Variants in TAS2R8 observed in about 807,000 individuals in gnomAD.
The protein encoded by TAS2R8 is taste receptor type 2 member 8.
For missense variants in TAS2R8, 396 were observed against 358.1 expected (o/e 1.11, Z -0.85); for synonymous variants, 139 against 123.9 (o/e 1.12, Z -0.81).
In TAS2R8 at chr12:10,806,998, T is replaced by C; in HGVS notation, c.-18A>G. 4 of 1,558,208 alleles carry C rather than the reference T, an allele frequency of 2.6e-6. No individual in the cohort carries two copies. The highest frequency in any genetic ancestry group is 3.5e-6 in the Non-Finnish European group (4 of 1,152,986). ...CTGAACATGTTTGTAGAGAGAACAA[T>C]CTGATTTCAAATATCACTGTAGATG... On this transcript the variant is annotated 5_prime_UTR_variant, in exon 1 of 1. Coordinates refer to ENST00000240615, the MANE Select transcript of TAS2R8 (RefSeq NM_023918.3).
rs753905120 is a variant in TAS2R8, at chr12:10,806,407, C to T, written c.574G>A (p.Val192Ile). 18 of 1,613,578 alleles carry T rather than the reference C, an allele frequency of 1.1e-5. No individual in the cohort carries two copies. Among genetic ancestry groups the T allele is most frequent in the Non-Finnish European group, 1.5e-5 (18 of 1,179,828 alleles). Residue 192 changes from valine to isoleucine, a missense_variant, in exon 1 of 1, where the codon GTC (valine) becomes ATC (isoleucine). Coordinates refer to ENST00000240615, the MANE Select transcript of TAS2R8 (RefSeq NM_023918.3). Reference protein sequence around the residue: ...PLTLFNLFAIVPFIVSLISFF... With the variant: ...PLTLFNLFAIIPFIVSLISFF... ...GATATCAGTGACACAATAAATGGGACAATTGCAAACAGGTTAAAGAGAGTC... is the reference window on the plus strand; with the variant it reads ...GATATCAGTGACACAATAAATGGGATAATTGCAAACAGGTTAAAGAGAGTC...
Position 10,806,900 on chromosome 12 carries a change from A to G in TAS2R8, c.81T>C (p.Ile27=). The G allele has an allele frequency of 1.2e-6, 2 of 1,613,004 alleles. No homozygotes were observed. The highest frequency in any genetic ancestry group is 2.2e-5 in the South Asian group (2 of 91,050). Residue 27 remains isoleucine (I), a synonymous_variant, in exon 1 of 1, where the codon ATT becomes ATC. Transcript: ENST00000240615. Reference sequence around the variant, plus strand: ...TCCAGTCAATCCAGTTGACTAGTGCAATGTATCCATTCCCCAATATTCCTA... The same window carrying G: ...TCCAGTCAATCCAGTTGACTAGTGCGATGTATCCATTCCCCAATATTCCTA... ...FILGILGNGY[I]ALVNWIDWIK... is the part of the protein sequence containing the mutation.
rs1430920341 is a variant in TAS2R8 at position 10,807,090 on chromosome 12, C to A, written c.-110G>T. The A allele has an allele frequency of 4.5e-6, 4 of 893,660 alleles. No individual in the cohort carries two copies. The highest frequency in any genetic ancestry group is 6.8e-6 in the Non-Finnish European group (4 of 591,140). The allele number at this position is 893,660 out of a possible 1,614,324, so 55.4% of individuals were successfully genotyped here. A position where few individuals can be genotyped will look rare whatever the true frequency, so the allele number is the denominator to read the frequency against. ...TCTTCGAATCATGCAATAATGTTTTCATCTGCTGTTATTTCGACGTTGTTA... is the reference window on the plus strand; with the variant it reads ...TCTTCGAATCATGCAATAATGTTTTAATCTGCTGTTATTTCGACGTTGTTA... On this transcript the variant is annotated 5_prime_UTR_variant, in exon 1 of 1. It removes an upstream start codon present in the reference 5' UTR. Coordinates refer to ENST00000240615, the MANE Select transcript of TAS2R8 (RefSeq NM_023918.3).
chr12:10,806,513 A>G lies in TAS2R8; in HGVS notation c.468T>C (p.Tyr156=), dbSNP rs781754365. 1.2e-6 allele frequency: 2 copies of G among 1,613,890 alleles called. No homozygotes were observed. The highest frequency in any genetic ancestry group is 1.1e-5 in the South Asian group (1 of 91,072). The part of the protein sequence containing the change: ...LIAAIVLSCD[Y]RFHAIAKHKR... ...TATGTTTGGCAATTGCATGAAACCT[A>G]TAATCACAACTCAGTACTATTGCTG... is the stretch of plus-strand genomic sequence containing the variant. Residue 156 remains tyrosine (Y), a synonymous_variant, in exon 1 of 1, where the codon TAT becomes TAC. Transcript: ENST00000240615.
rs766821263 is a variant in TAS2R8, at chr12:10,806,763, G to A, written c.218C>T (p.Pro73Leu). ...VVNGIVIVLN[P>L]DVYTKNKQQI... ...TTGTTTATTTTTTGTATAAACATCT[G>A]GGTTCAGTACTATTACAATGCCATT... Residue 73 changes from proline to leucine, a missense_variant, in exon 1 of 1, where the codon CCA (proline) becomes CTA (leucine). Pro to Leu is a moderately conservative substitution (Grantham distance 98). Coordinates refer to ENST00000240615, the MANE Select transcript of TAS2R8 (RefSeq NM_023918.3). 1.2e-6 allele frequency: 2 copies of A among 1,613,804 alleles called. No individual in the cohort carries two copies. The highest frequency in any genetic ancestry group is 8.5e-7 in the Non-Finnish European group (1 of 1,179,876).
In TAS2R8 at chr12:10,806,424, A is replaced by G; in HGVS notation, c.557T>C (p.Phe186Ser). Reference sequence around the variant, plus strand: ...AAATGGGACAATTGCAAACAGGTTAAAGAGAGTCAAGGGTTCAAAGTATGG... The same window carrying G: ...AAATGGGACAATTGCAAACAGGTTAGAGAGAGTCAAGGGTTCAAAGTATGG... Reference protein sequence around the residue: ...KIPYFEPLTLFNLFAIVPFIV... With the variant: ...KIPYFEPLTLSNLFAIVPFIV... The change falls in exon 1 of 1, where the codon TTT becomes TCT. Residue 186 changes from phenylalanine to serine, a missense_variant. By Grantham distance (155) the Phe-to-Ser change is radical (BLOSUM62 -2). Transcript: ENST00000240615. 6.2e-7 allele frequency: 1 copy of G among 1,613,792 alleles called. No individual in the cohort carries two copies. The highest frequency in any genetic ancestry group is 2.2e-5 in the East Asian group (1 of 44,850).
Position 10,806,343 on chromosome 12 carries a change from T to C in TAS2R8, c.638A>G (p.Lys213Arg), listed in dbSNP as rs960351720. Residue 213 changes from lysine to arginine, a missense_variant, in exon 1 of 1, where the codon AAG becomes AGG. By Grantham distance (26) the Lys-to-Arg change is conservative. Transcript: ENST00000240615. ...LLVRSLWRHT[K>R]QIKLYATGSR... ...GCCGGTAGCATAGAGTTTTATTTGC[T>C]TGGTATGTCTCCATAAAGATCTTAC... 1 of 1,613,826 alleles carries C rather than the reference T, an allele frequency of 6.2e-7. No homozygotes were observed. The highest frequency in any genetic ancestry group is 8.5e-7 in the Non-Finnish European group (1 of 1,179,928).
In TAS2R8 at chr12:10,806,861, C is replaced by A. The variant is rs1948729778; in HGVS notation, c.120G>T (p.Lys40Asn). ...TAAGGATGTAGTCAACTGTGGAAAT[C>A]TTTTTCTTCTTAATCCAGTCAATCC... ...VNWIDWIKKK[K>N]ISTVDYILTN... The change falls in exon 1 of 1, where the codon AAG becomes AAT. Residue 40 changes from lysine to asparagine, a missense_variant. Physicochemically the swap from Lys to Asn is moderately conservative, Grantham distance 94 (BLOSUM62 0). Coordinates refer to ENST00000240615, the MANE Select transcript of TAS2R8 (RefSeq NM_023918.3). 1.2e-6 allele frequency: 2 copies of A among 1,613,490 alleles called. No homozygotes were observed. The highest frequency in any genetic ancestry group is 1.3e-5 in the African/African-American group (1 of 74,916).
In TAS2R8 at chr12:10,806,868, T is replaced by C. The variant is rs1400060457; in HGVS notation, c.113A>G (p.Lys38Arg). The C allele has an allele frequency of 6.2e-7, 1 of 1,613,612 alleles. No homozygotes were observed. The highest frequency in any genetic ancestry group is 2.2e-5 in the East Asian group (1 of 44,854). The stretch of plus-strand genomic sequence containing the variant: ...GTAGTCAACTGTGGAAATCTTTTTC[T>C]TCTTAATCCAGTCAATCCAGTTGAC... ...ALVNWIDWIKKKKISTVDYIL... is the reference protein window; with the variant it reads ...ALVNWIDWIKRKKISTVDYIL... Residue 38 changes from lysine (K) to arginine (R), a missense_variant, in exon 1 of 1, where the codon AAG becomes AGG. Lys to Arg is a conservative substitution (Grantham distance 26). Coordinates refer to ENST00000240615, the MANE Select transcript of TAS2R8 (RefSeq NM_023918.3).
At position 10,806,214 on chromosome 12, in the gene TAS2R8, A is replaced by G. The variant is rs1486116543; in HGVS notation, c.767T>C (p.Phe256Ser). ...LYYISSILMT[F>S]SYLMTKYKLA... ...CTTGTATTTTGTCATAAGATAGCTA[A>G]AGGTCATCAAAATAGAAGAAATATA... Residue 256 changes from phenylalanine (F) to serine (S), a missense_variant, in exon 1 of 1, where the codon TTT becomes TCT. Phe to Ser is a radical substitution (Grantham distance 155, BLOSUM62 -2). Coordinates refer to ENST00000240615, the MANE Select transcript of TAS2R8 (RefSeq NM_023918.3). The G allele has an allele frequency of 6.2e-7, 1 of 1,613,468 alleles. No homozygotes were observed. Among genetic ancestry groups the G allele is most frequent in the Admixed American group, 1.7e-5 (1 of 59,884 alleles).
chr12:10,807,097 T>C lies in TAS2R8; in HGVS notation c.-117A>G, dbSNP rs1434912113. On this transcript the variant is annotated 5_prime_UTR_variant, in exon 1 of 1. Transcript: ENST00000240615. ...ATCATGCAATAATGTTTTCATCTGC[T>C]GTTATTTCGACGTTGTTATTCTTCC... 2 of 847,266 alleles carry C rather than the reference T, an allele frequency of 2.4e-6. No individual in the cohort carries two copies. The highest frequency in any genetic ancestry group is 3.6e-6 in the Non-Finnish European group (2 of 553,604). The allele number at this position is 847,266 out of a possible 1,614,324, so 52.5% of individuals were successfully genotyped here.
At position 10,807,163 on chromosome 12, in the gene TAS2R8, A is replaced by C. The variant is rs1948732868; in HGVS notation, c.-183T>G. ...TCCTCTGAAATAGGATTGTCTCTACACTCCTGAAGATGAAACCAACTAATG... is the reference window on the plus strand; with the variant it reads ...TCCTCTGAAATAGGATTGTCTCTACCCTCCTGAAGATGAAACCAACTAATG... On this transcript the variant is annotated 5_prime_UTR_variant, in exon 1 of 1. Coordinates refer to ENST00000240615, the MANE Select transcript of TAS2R8 (RefSeq NM_023918.3). The C allele has an allele frequency of 1.8e-6, 1 of 552,196 alleles. No homozygotes were observed. Among genetic ancestry groups the C allele is most frequent in the South Asian group, 3.0e-5 (1 of 32,916 alleles). 34.2% of individuals were successfully genotyped at this position (552,196 alleles called of 1,614,324 possible). A position where few individuals can be genotyped will look rare whatever the true frequency, so the allele number is the denominator to read the frequency against.
At position 10,807,246 on chromosome 12, in the gene TAS2R8, G is replaced by T. The variant is rs745618369; in HGVS notation, c.-266C>A. The T allele has an allele frequency of 9.0e-5, 31 of 344,912 alleles. No individual in the cohort carries two copies. The highest frequency in any genetic ancestry group is 1.5e-4 in the Non-Finnish European group (29 of 192,058). 21.4% of individuals were successfully genotyped at this position (344,912 alleles called of 1,614,324 possible). On this transcript the variant is annotated 5_prime_UTR_variant, in exon 1 of 1. Coordinates refer to ENST00000240615, the MANE Select transcript of TAS2R8 (RefSeq NM_023918.3). The stretch of plus-strand genomic sequence containing the variant: ...AATTATAATTATTATCCTTTAGTGA[G>T]TGATACCTGAAATGTTTGGCTGAAA...
At position 10,806,740 on chromosome 12, in the gene TAS2R8, G is replaced by C. The variant is rs201843612; in HGVS notation, c.241C>G (p.Gln81Glu). 5 of 1,613,686 alleles carry C rather than the reference G, an allele frequency of 3.1e-6. No homozygotes were observed. Among genetic ancestry groups the C allele is most frequent in the Non-Finnish European group, 4.2e-6 (5 of 1,179,892 alleles). The change falls in exon 1 of 1, where the codon CAA becomes GAA. Residue 81 changes from glutamine (Q) to glutamate (E), a missense_variant. Coordinates refer to ENST00000240615, the MANE Select transcript of TAS2R8 (RefSeq NM_023918.3). ...CAGAAGGTAAAAATGACTATCTGTT[G>C]TTTATTTTTTGTATAAACATCTGGG... is the stretch of plus-strand genomic sequence containing the variant. Reference protein sequence around the residue: ...LNPDVYTKNKQQIVIFTFWTF... With the variant: ...LNPDVYTKNKEQIVIFTFWTF...
In TAS2R8 at chr12:10,807,074, C is replaced by G; in HGVS notation, c.-94G>C. 1 of 1,022,352 alleles carries G rather than the reference C, an allele frequency of 9.8e-7. No homozygotes were observed. The highest frequency in any genetic ancestry group is 1.4e-6 in the Non-Finnish European group (1 of 700,700). 63.3% of individuals were successfully genotyped at this position (1,022,352 alleles called of 1,614,324 possible). On this transcript the variant is annotated 5_prime_UTR_variant, in exon 1 of 1. The change abolishes an upstream ATG in the 5' untranslated region. Coordinates refer to ENST00000240615, the MANE Select transcript of TAS2R8 (RefSeq NM_023918.3). ...AGCATGATAGATCAATTCTTCGAATCATGCAATAATGTTTTCATCTGCTGT... is the reference window on the plus strand; with the variant it reads ...AGCATGATAGATCAATTCTTCGAATGATGCAATAATGTTTTCATCTGCTGT...
the TAS2R8 span, chr12:10,806,254 A>AG: frequency 1.2e-6 from 2 of 1,613,188 alleles, no homozygotes; most frequent in Admixed American, 1.7e-5. Flanking sequence ...AGGAAAAAAA[A>AG]GAAGATAAAT....
chr12:10,807,149 A>G lies in TAS2R8; in HGVS notation c.-169T>C. On this transcript the variant is annotated 5_prime_UTR_variant, in exon 1 of 1. Transcript: ENST00000240615. ...GAAGTGTTCAGCTCTCCTCTGAAAT[A>G]GGATTGTCTCTACACTCCTGAAGAT... is the stretch of plus-strand genomic sequence containing the variant. 1.6e-6 allele frequency: 1 copy of G among 614,324 alleles called. No individual in the cohort carries two copies. Among genetic ancestry groups the G allele is most frequent in the Non-Finnish European group, 2.8e-6 (1 of 362,398 alleles). 38.1% of individuals were successfully genotyped at this position (614,324 alleles called of 1,614,324 possible). A position where few individuals can be genotyped will look rare whatever the true frequency, so the allele number is the denominator to read the frequency against.
rs1565412103 is a variant in TAS2R8, at chr12:10,806,252, A to G, written c.729T>C (p.Phe243=). ...AIKTMTSFIF[F]FFLYYISSIL... is the part of the protein sequence containing the mutation. Reference sequence around the variant, plus strand: ...TAGAAGAAATATAGTATAGGAAAAAAAAGAAGATAAATGAAGTCATAGTTT... The same window carrying G: ...TAGAAGAAATATAGTATAGGAAAAAGAAGAAGATAAATGAAGTCATAGTTT... Residue 243 remains phenylalanine, a synonymous_variant, in exon 1 of 1, where the codon TTT becomes TTC. Coordinates refer to ENST00000240615, the MANE Select transcript of TAS2R8 (RefSeq NM_023918.3). The G allele has an allele frequency of 1.2e-6, 2 of 1,613,192 alleles. No individual in the cohort carries two copies. Among genetic ancestry groups the G allele is most frequent in the Non-Finnish European group, 1.7e-6 (2 of 1,179,688 alleles).
chr12:10,806,153 G>C lies in TAS2R8; in HGVS notation c.828C>G (p.Leu276=). ...AAATAAGTGAGTGACCCAAGGGGTA[G>C]AGAATTGCTGCAATCTCTCCAAACT... ...AVEFGEIAAI[L]YPLGHSLILI... The change falls in exon 1 of 1, where the codon CTC becomes CTG. Residue 276 remains leucine, a synonymous_variant. Transcript: ENST00000240615. 3 of 1,613,504 alleles carry C rather than the reference G, an allele frequency of 1.9e-6. No individual in the cohort carries two copies. Among genetic ancestry groups the C allele is most frequent in the Non-Finnish European group, 1.7e-6 (2 of 1,179,756 alleles).
Sources: gnomAD v4.1 joint callset for allele counts on GRCh38, gnomAD v4.1.1 for gene constraint, MANE v1.5 for transcripts, NCBI Gene and HGNC (gene_info 2026-07-23, HGNC 2026-07-21) for gene names.